LCA5L: variants seen among roughly 807,000 people sequenced by gnomAD.
The protein encoded by LCA5L is lebercilin LCA5 like, also known as lebercilin-like protein.
In LCA5L, 35 loss-of-function variants were observed where a neutral mutation model predicts 45.4. The ratio of observed to expected loss-of-function variants is 0.77; its 90% CI spans 0.59 to 1.02. LCA5L has a LOEUF of 1.02. Ranked by LOEUF, LCA5L falls within the 50% of genes least tolerant of loss-of-function variation. The probability of loss-of-function intolerance (pLI) is 0.00; values close to 1 mark genes in which losing one functional copy is unlikely to be tolerated. For missense variants in LCA5L, 668 were observed against 761.6 expected, an observed-to-expected ratio of 0.88 and a Z score of 1.45; for synonymous variants, 233 against 264.7, an observed-to-expected ratio of 0.88 and a Z score of 1.16.
rs1225237724 is a variant in LCA5L at position 39,406,095 on chromosome 21, T to TTCCA, written c.1796_1799dup (p.Glu600AspfsTer14). 1.2e-6 allele frequency: 2 copies of TTCCA among 1,614,120 alleles called. No homozygotes were observed. Among genetic ancestry groups the TTCCA allele is most frequent in the African/African-American group, 2.7e-5 (2 of 74,940 alleles). Reference sequence around the variant, plus strand: ...AGACATAGCCTGATCCAAAGAGTTCTTCCATGAGACTGCTTTTCTTATCTC... The same window carrying TTCCA: ...AGACATAGCCTGATCCAAAGAGTTCTTCCATCCATGAGACTGCTTTTCTTATCTC... On this transcript the variant is annotated frameshift_variant, in exon 11 of 11. Transcript: ENST00000288350. LOFTEE classifies it low-confidence loss of function (END_TRUNC).
chr21:39,431,779 G>A (rs975261284), intron 3 of LCA5L, among the ~76,000 whole-genome samples: 3 of 152,164 alleles, frequency 2.0e-5, no homozygotes, highest in African/African-American at 4.8e-5. Context: ...GGCTCCCAAA[G>A]TGCTGGGATT....
intron 5 of LCA5L, among the ~76,000 whole-genome samples, chr21:39,423,974 GT>G (rs200705636): frequency 0.01 from 1,542 of 152,162 alleles, 34 homozygotes; most frequent in African/African-American, 0.035. Flanking sequence ...GATCAACAGA[GT>G]TAAGATCCCA....
In LCA5L at chr21:39,406,197, C is replaced by T. The variant is rs756323497; in HGVS notation, c.1698G>A (p.Glu566=). The T allele has an allele frequency of 3.7e-6, 6 of 1,614,086 alleles. No homozygotes were observed. The highest frequency in any genetic ancestry group is 1.3e-5 in the African/African-American group (1 of 74,928). The part of the protein sequence containing the change: ...GKHLSNREEM[E]LEHSDSGYEP... The stretch of plus-strand genomic sequence containing the variant: ...CATACCCACTGTCAGAATGCTCTAG[C>T]TCCATTTCCTCTCTGTTACTGAGAT... The change falls in exon 11 of 11, where the codon GAG becomes GAA. Residue 566 remains glutamate (E), a synonymous_variant. Transcript: ENST00000288350.
At chr21:39,417,240 A>G (rs2041363336) in intron 7 of LCA5L, among the ~76,000 whole-genome samples, 1 of 152,052 alleles carries the variant, frequency 6.6e-6, no homozygotes, top group Non-Finnish European at 1.5e-5. Flanking sequence ...GGGTTTCACC[A>G]TGTTGGCCAG....
chr21:39,440,423 C>T (rs983620344), intron 2 of LCA5L, among the ~76,000 whole-genome samples: 1 of 152,116 alleles, frequency 6.6e-6, no homozygotes, highest in African/African-American at 2.4e-5. Context: ...AACAAATTAG[C>T]TGGGTGTGGT....
intron 7 of LCA5L, among the ~76,000 whole-genome samples, chr21:39,416,094 G>A (rs1165261180): frequency 6.6e-6 from 1 of 152,142 alleles, no homozygotes; most frequent in Non-Finnish European, 1.5e-5. Flanking sequence ...TCATTATTGA[G>A]TGGAATGCTT....
chr21:39,405,854 C>G lies in LCA5L; in HGVS notation c.*28G>C, dbSNP rs1172390808. 6 of 1,475,738 alleles carry G rather than the reference C, an allele frequency of 4.1e-6. No homozygotes were observed. The highest frequency in any genetic ancestry group is 2.8e-5 in the African/African-American group (2 of 70,274). 91.4% of individuals were successfully genotyped at this position (1,475,738 alleles called of 1,614,324 possible). A position where few individuals can be genotyped will look rare whatever the true frequency, so the allele number is the denominator to read the frequency against. ...GGCACATAAGCAGCATTATATCAAA[C>G]CAGAATGCATTAGGATATTGATTAT... On this transcript the variant is annotated 3_prime_UTR_variant, in exon 11 of 11. Transcript: ENST00000288350.
chr21:39,415,754 T>G (rs936360889), intron 7 of LCA5L, among the ~76,000 whole-genome samples: 1 of 152,244 alleles, frequency 6.6e-6, no homozygotes, highest in Non-Finnish European at 1.5e-5. Context: ...CTATAGATTC[T>G]CACTCTCACC....
Position 39,428,242 on chromosome 21 carries a change from A to T in LCA5L, c.252T>A (p.Tyr84Ter). ...DCSEKAINRNYLKQPVVKEKE... is the reference protein window; with the variant it reads ...DCSEKAINRN ...TTTCTTTTACCACAGGCTGCTTTAA[A>T]TAATTTCTATTAATAGCCTTTTCTG... is the stretch of plus-strand genomic sequence containing the variant. Residue 84 changes from tyrosine to a stop codon, truncating the protein, a stop_gained, in exon 5 of 11, where the codon TAT (tyrosine) becomes TAA (stop). Transcript: ENST00000288350. LOFTEE classifies it high-confidence loss of function. 6.2e-7 allele frequency: 1 copy of T among 1,605,364 alleles called. No individual in the cohort carries two copies. The highest frequency in any genetic ancestry group is 8.5e-7 in the Non-Finnish European group (1 of 1,172,464).
At chr21:39,431,377 C>T (rs2075697298) in intron 3 of LCA5L, among the ~76,000 whole-genome samples, 1 of 151,860 alleles carries the variant, frequency 6.6e-6, no homozygotes, top group Admixed American at 6.6e-5. Context: ...GCAAAATTAT[C>T]CACAATCTTT....
At chr21:39,432,654 A>G (rs2075856511) in intron 3 of LCA5L, among the ~76,000 whole-genome samples, 1 of 152,096 alleles carries the variant, frequency 6.6e-6, no homozygotes, top group Non-Finnish European at 1.5e-5. Context: ...CCCCATTGTA[A>G]TTCCTCTCAT....
chr21:39,417,358 C>T (rs1057009287), intron 7 of LCA5L, among the ~76,000 whole-genome samples: 8 of 151,982 alleles, frequency 5.3e-5, no homozygotes, highest in African/African-American at 9.7e-5. Flanking sequence ...GTTTTTTTTA[C>T]GTTTAATTCT....
intron 5 of LCA5L, among the ~76,000 whole-genome samples, chr21:39,426,455 T>C (rs1396493151): frequency 6.6e-6 from 1 of 152,194 alleles, no homozygotes; most frequent in African/African-American, 2.4e-5. Flanking sequence ...ATTCAAGATC[T>C]CTTATTGTAA....
chr21:39,435,296 C>T (rs767533019), intron 3 of LCA5L, 124 bp downstream of exon 3: 30 of 152,194 alleles, frequency 2.0e-4, no homozygotes, highest in Non-Finnish European at 3.1e-4. Context: ...TAAGAATGTT[C>T]AAGATCAAGG....
At chr21:39,416,679 C>T (rs1034654611) in intron 7 of LCA5L, among the ~76,000 whole-genome samples, 1 of 151,870 alleles carries the variant, frequency 6.6e-6, no homozygotes, top group African/African-American at 2.4e-5. Context: ...TTTGTCCATC[C>T]CCCAAATCCC....
chr21:39,412,316 G>A (rs892932001), intron 7 of LCA5L, among the ~76,000 whole-genome samples: 1 of 152,128 alleles, frequency 6.6e-6, no homozygotes, highest in Non-Finnish European at 1.5e-5. Flanking sequence ...CAAGGGCCGG[G>A]GGGGAAGCCT....
At chr21:39,440,432 G>T (rs1191096166) in intron 2 of LCA5L, among the ~76,000 whole-genome samples, 1 of 152,148 alleles carries the variant, frequency 6.6e-6, no homozygotes, top group Non-Finnish European at 1.5e-5. Context: ...GCTGGGTGTG[G>T]TGGTACACAC....
intron 7 of LCA5L, among the ~76,000 whole-genome samples, chr21:39,418,913 G>A (rs1380858356): frequency 6.6e-6 from 1 of 152,114 alleles, no homozygotes; most frequent in Non-Finnish European, 1.5e-5. Context: ...TGTGTTTGCT[G>A]TGACCAGGGG....
intron 7 of LCA5L, among the ~76,000 whole-genome samples, chr21:39,419,014 A>C (rs1217841949): frequency 6.6e-6 from 1 of 152,128 alleles, no homozygotes; most frequent in Non-Finnish European, 1.5e-5. Context: ...CTGGAACTCC[A>C]CAGAAAAAAG....
Sources: gnomAD v4.1 joint callset for allele counts (sites outside exome capture counted in the v4.1 genomes callset) on GRCh38, gnomAD v4.1.1 for gene constraint, MANE v1.5 for transcripts, NCBI Gene and HGNC (gene_info 2026-07-23, HGNC 2026-07-21) for gene names.